GRIK2: variants seen among roughly 807,000 people sequenced by gnomAD.
GRIK2 encodes the protein glutamate receptor ionotropic, kainate 2.
In GRIK2, 32 loss-of-function variants were observed where a neutral mutation model predicts 100.3. The observed-to-expected ratio is 0.32, with a 90% CI of 0.24 to 0.43. GRIK2 has a LOEUF of 0.43. Among genes scored for constraint, GRIK2 ranks in the 20% least tolerant of loss-of-function variants. The probability of loss-of-function intolerance (pLI) is 1.00; values close to 1 mark genes in which losing one functional copy is unlikely to be tolerated. For synonymous variants in GRIK2, 417 were observed against 389.4 expected, an observed-to-expected ratio of 1.07 and a Z score of -0.83; for missense variants, 843 against 1,114.9, an observed-to-expected ratio of 0.76 and a Z score of 3.47.
At chr6:101,675,875 A>G (rs1770797602) in intron 4 of GRIK2, among the ~76,000 whole-genome samples, 1 of 152,128 alleles carries the variant, frequency 6.6e-6, no homozygotes. Context: ...TTTAAAATCT[A>G]TTTTATTAAG....
At chr6:101,627,522 A>G (rs1296295219) in intron 4 of GRIK2, among the ~76,000 whole-genome samples, 2 of 152,206 alleles carry the variant, frequency 1.3e-5, no homozygotes, top group East Asian at 3.9e-4. Context: ...GTGATGAGTC[A>G]GTGAAACTTG....
intron 14 of GRIK2, among the ~76,000 whole-genome samples, chr6:102,004,316 T>A (rs2114276120): frequency 6.7e-6 from 1 of 149,264 alleles, no homozygotes; most frequent in African/African-American, 2.5e-5. Flanking sequence ...AACCATTATC[T>A]ACCTCAGATC....
chr6:101,977,927 T>G (rs1793490328), intron 14 of GRIK2, among the ~76,000 whole-genome samples: 1 of 152,016 alleles, frequency 6.6e-6, no homozygotes, highest in Middle Eastern at 3.2e-3. Flanking sequence ...CAAACATACT[T>G]GAAATGGACT....
intron 14 of GRIK2, among the ~76,000 whole-genome samples, chr6:101,965,507 C>T (rs921339031): frequency 1.3e-5 from 2 of 151,852 alleles, no homozygotes; most frequent in Non-Finnish European, 2.9e-5. Flanking sequence ...TTGAATAATA[C>T]CTCTGTAAAA....
intron 12 of GRIK2, among the ~76,000 whole-genome samples, chr6:101,913,758 G>C (rs1301794186): frequency 6.6e-6 from 1 of 151,362 alleles, no homozygotes; most frequent in Non-Finnish European, 1.5e-5. Context: ...ACAAAGTAAA[G>C]AGATCTTAAT....
intron 7 of GRIK2, among the ~76,000 whole-genome samples, chr6:101,774,909 C>A (rs1308630851): frequency 3.9e-5 from 6 of 151,966 alleles, no homozygotes. Flanking sequence ...TAAGTATATA[C>A]TATTCTTGGG....
chr6:101,655,810 G>C (rs1291012078), intron 4 of GRIK2, among the ~76,000 whole-genome samples: 1 of 152,052 alleles, frequency 6.6e-6, no homozygotes, highest in African/African-American at 2.4e-5. Context: ...GTGCTAACTA[G>C]CCCTAGTTTT....
intron 2 of GRIK2, among the ~76,000 whole-genome samples, chr6:101,614,351 A>G (rs1779806270): frequency 6.6e-6 from 1 of 151,676 alleles, no homozygotes; most frequent in Non-Finnish European, 1.5e-5. Flanking sequence ...AATTGTATAA[A>G]TAAACACTCA....
chr6:101,541,880 C>T (rs1027890159), intron 2 of GRIK2, among the ~76,000 whole-genome samples: 7 of 150,758 alleles, frequency 4.6e-5, no homozygotes, highest in Non-Finnish European at 1.0e-4. Flanking sequence ...CCCACTCTCC[C>T]TCACTTCATC....
intron 2 of GRIK2, among the ~76,000 whole-genome samples, chr6:101,581,815 A>G (rs1048572246): frequency 1.3e-5 from 2 of 152,162 alleles, no homozygotes; most frequent in Non-Finnish European, 2.9e-5. Context: ...CTAAGGGGAA[A>G]TAAGATTGGT....
intron 14 of GRIK2, among the ~76,000 whole-genome samples, chr6:101,958,254 T>TCTGTGTGTGTGTGTGC: frequency 1.5e-3 from 1 of 680 alleles, no homozygotes. Flanking sequence ...GCTACATATT[T>TCTGTGTGTGTGTGTGC]GTGTGTGTGT....
At chr6:102,033,153 G>T (rs993429873) in intron 14 of GRIK2, among the ~76,000 whole-genome samples, 2 of 151,140 alleles carry the variant, frequency 1.3e-5, no homozygotes, top group African/African-American at 4.8e-5. Flanking sequence ...TTTAGTATTT[G>T]TAAATAATTT....
At chr6:101,820,253 T>G (rs1430394770) in intron 10 of GRIK2, among the ~76,000 whole-genome samples, 2 of 150,812 alleles carry the variant, frequency 1.3e-5, no homozygotes, top group African/African-American at 4.9e-5. Context: ...AGGAATAGAA[T>G]TAGATTATGT....
intron 2 of GRIK2, among the ~76,000 whole-genome samples, chr6:101,438,980 A>G (rs954867579): frequency 6.6e-6 from 1 of 152,134 alleles, no homozygotes; most frequent in Admixed American, 6.6e-5. Flanking sequence ...GTTATATTTT[A>G]GGTCAACTTG....
chr6:102,014,221 G>A (rs149213092), intron 14 of GRIK2, among the ~76,000 whole-genome samples: 233 of 152,210 alleles, frequency 1.5e-3, no homozygotes, highest in Non-Finnish European at 2.8e-3. Flanking sequence ...ATTTTCACAT[G>A]TGTGTGCAAG....
At chr6:101,516,048 A>G (rs1774566717) in intron 2 of GRIK2, among the ~76,000 whole-genome samples, 2 of 152,054 alleles carry the variant, frequency 1.3e-5, no homozygotes, top group African/African-American at 4.8e-5. Context: ...TTATAGTTTC[A>G]AGTCTTAGGT....
chr6:101,576,708 T>G (rs548673241), intron 2 of GRIK2, among the ~76,000 whole-genome samples: 2 of 152,208 alleles, frequency 1.3e-5, no homozygotes, highest in South Asian at 4.1e-4. Flanking sequence ...GGTATCTATT[T>G]AAGAAAAATG....
intron 14 of GRIK2, among the ~76,000 whole-genome samples, chr6:101,931,324 C>T (rs1790272061): frequency 6.6e-6 from 1 of 152,118 alleles, no homozygotes. Flanking sequence ...GCCACACATA[C>T]AAACACTCTA....
intron 14 of GRIK2, among the ~76,000 whole-genome samples, chr6:102,006,390 A>ATATTTTTTTTTTTTTT (rs1315524835): frequency 4.4e-5 from 5 of 114,102 alleles, no homozygotes; most frequent in African/African-American, 1.8e-4. Context: ...ATATATATAT[A>ATATTTTTTTTTTTTTT]TTTTTTTTTT....
Sources: allele counts gnomAD v4.1 joint callset (sites outside exome capture counted in the v4.1 genomes callset), GRCh38; gene constraint gnomAD v4.1.1; transcripts MANE v1.5; gene names NCBI Gene and HGNC (gene_info 2026-07-23, HGNC 2026-07-21).